Variants in MAGI1 observed in about 807,000 individuals in gnomAD.
The protein encoded by MAGI1 is membrane-associated guanylate kinase, WW and PDZ domain-containing protein 1.
In MAGI1, 58 loss-of-function variants were observed where a neutral mutation model predicts 139.9. The observed-to-expected ratio is 0.41, with a 90% CI of 0.34 to 0.52. The LOEUF is 0.52. Among genes scored for constraint, MAGI1 ranks in the 20% least tolerant of loss-of-function variants. The pLI is 0.12. For synonymous variants in MAGI1, 812 were observed against 737.9 expected, an observed-to-expected ratio of 1.10 and a Z score of -1.63; for missense variants, 1,874 against 1,901.6, an observed-to-expected ratio of 0.99 and a Z score of 0.27.
Position 66,006,994 on chromosome 3 carries a change from C to CTATTTATT in MAGI1, c.313+30994_313+31001dup, listed in dbSNP as rs61207352. Among the ~76,000 whole-genome samples, 25 of 151,248 alleles carry CTATTTATT rather than the reference C, an allele frequency of 1.7e-4. No individual in the cohort carries two copies. The East Asian group carries it at 3.7e-3, about 22-fold the overall frequency. ...TACAGGTGCATGTCACCATGCCCAG[C>CTATTTATT]TATTTATTTATTTATTTATTTATTT... On this transcript the variant is annotated intron_variant, in intron 1 of 22. Transcript: ENST00000402939.
intron 1 of MAGI1, among the ~76,000 whole-genome samples, chr3:65,672,183 C>A (rs1386861407): frequency 6.6e-6 from 1 of 152,156 alleles, no homozygotes; most frequent in Admixed American, 6.5e-5. Flanking sequence ...TTTTCAGATT[C>A]ATGAAATGCT....
At chr3:65,415,064 A>G (rs1946103299) in intron 12 of MAGI1, among the ~76,000 whole-genome samples, 1 of 151,768 alleles carries the variant, frequency 6.6e-6, no homozygotes, top group Non-Finnish European at 1.5e-5. Context: ...TTACCTATAA[A>G]GAAGAATCTT....
chr3:65,636,703 T>TACACACACAC (rs10662746), intron 1 of MAGI1, among the ~76,000 whole-genome samples: 345 of 148,564 alleles, frequency 2.3e-3, no homozygotes, highest in Non-Finnish European at 3.2e-3. Context: ...GGAAAACACA[T>TACACACACAC]ACACACACAC....
At position 65,530,774 on chromosome 3, in the gene MAGI1, C is replaced by CACGTATATATAT. The variant is rs1559642935; in HGVS notation, c.431-37144_431-37143insATATATATACGT. Reference sequence around the variant, plus strand: ...ATATACACGTATATATATATATATACACACATATATATACACGTATATATA... The same window carrying CACGTATATATAT: ...ATATACACGTATATATATATATATACACGTATATATATACACATATATATACACGTATATATA... On this transcript the variant is annotated intron_variant, in intron 2 of 22. Transcript: ENST00000402939. Among the ~76,000 whole-genome samples, 5 of 12,548 alleles carry CACGTATATATAT rather than the reference C, an allele frequency of 4.0e-4. 1 individual carries two copies. Among genetic ancestry groups the CACGTATATATAT allele is most frequent in the Non-Finnish European group, 5.9e-4 (4 of 6,772 alleles). The allele number at this position is 12,548 out of a possible 152,430, so 8.2% of individuals were successfully genotyped here. A position where few individuals can be genotyped will look rare whatever the true frequency, so the allele number is the denominator to read the frequency against.
intron 1 of MAGI1, among the ~76,000 whole-genome samples, chr3:65,754,427 C>G (rs1199750842): frequency 6.6e-6 from 1 of 152,192 alleles, no homozygotes; most frequent in Admixed American, 6.5e-5. Context: ...TTTATGCTCA[C>G]TCACTTGTTT....
At chr3:66,027,379 C>G (rs1385791213) in intron 1 of MAGI1, among the ~76,000 whole-genome samples, 1 of 152,168 alleles carries the variant, frequency 6.6e-6, no homozygotes, top group African/African-American at 2.4e-5. Flanking sequence ...TCATAGCTCA[C>G]TGCAGCCTCG....
intron 1 of MAGI1, among the ~76,000 whole-genome samples, chr3:65,731,016 T>A (rs1196246883): frequency 6.6e-6 from 1 of 152,014 alleles, no homozygotes; most frequent in Non-Finnish European, 1.5e-5. Context: ...AGGCATCTTC[T>A]AGCCCCCAAA....
intron 1 of MAGI1, among the ~76,000 whole-genome samples, chr3:66,032,426 T>C (rs547644429): frequency 1.4e-5 from 2 of 147,134 alleles, no homozygotes; most frequent in East Asian, 2.1e-4. Flanking sequence ...TTCACCATCT[T>C]GGCCAGGCTG....
chr3:65,685,571 A>G (rs1451947536), intron 1 of MAGI1, among the ~76,000 whole-genome samples: 2 of 152,322 alleles, frequency 1.3e-5, no homozygotes, highest in East Asian at 1.9e-4. Flanking sequence ...GGACTAAAAT[A>G]TTTTCAGTTA....
intron 1 of MAGI1, among the ~76,000 whole-genome samples, chr3:65,832,415 G>A (rs539571065): frequency 1.3e-5 from 2 of 152,232 alleles, no homozygotes; most frequent in East Asian, 3.9e-4. Context: ...TCCTAGGGAT[G>A]GAGAATCACA....
At chr3:65,580,571 G>A (rs549039687) in intron 2 of MAGI1, among the ~76,000 whole-genome samples, 1 of 151,988 alleles carries the variant, frequency 6.6e-6, no homozygotes, top group Admixed American at 6.5e-5. Flanking sequence ...AACAAGTCAC[G>A]CAAACACCAG....
rs1403013503 is a variant in MAGI1 at position 65,359,930 on chromosome 3, GT to G, written c.3634+1268del. On this transcript the variant is annotated intron_variant, in intron 22 of 22. Transcript: ENST00000402939. ...AGGGAGACAATGTTACACAGTTTCA[GT>G]GGTATCAATACACCTAATGGTCAGA... 1.3e-5 allele frequency: 13 copies of G among 985,394 alleles called. No individual in the cohort carries two copies. The South Asian group carries it at 5.2e-4, about 39-fold the overall frequency. The allele number at this position is 985,394 out of a possible 1,614,324, so 61.0% of individuals were successfully genotyped here. A position where few individuals can be genotyped will look rare whatever the true frequency, so the allele number is the denominator to read the frequency against.
Position 65,401,879 on chromosome 3 carries a change from A to G in MAGI1, c.2168-409T>C, listed in dbSNP as rs543013648. On this transcript the variant is annotated intron_variant, in intron 12 of 22. Transcript: ENST00000402939. The stretch of plus-strand genomic sequence containing the variant: ...TGTCAATTGAAACGGACCAATCAGG[A>G]CAGAGGAAAGGGTATATATTTAGTT... 1,204 of 985,324 alleles carry G rather than the reference A, an allele frequency of 1.2e-3. 1 individual carries two copies. Among genetic ancestry groups the G allele is most frequent in the Non-Finnish European group, 1.4e-3 (1,155 of 829,840 alleles). The allele number at this position is 985,324 out of a possible 1,614,324, so 61.0% of individuals were successfully genotyped here. A position where few individuals can be genotyped will look rare whatever the true frequency, so the allele number is the denominator to read the frequency against.
At chr3:65,517,402 G>A (rs1032409427) in intron 2 of MAGI1, among the ~76,000 whole-genome samples, 1 of 152,052 alleles carries the variant, frequency 6.6e-6, no homozygotes, top group Non-Finnish European at 1.5e-5. Flanking sequence ...TTTCTCCACA[G>A]CACATATCAA....
intron 1 of MAGI1, among the ~76,000 whole-genome samples, chr3:65,778,657 C>T (rs1028207535): frequency 6.6e-6 from 1 of 152,148 alleles, no homozygotes; most frequent in Non-Finnish European, 1.5e-5. Context: ...GGTCAAAGAG[C>T]CACAGTTCAA....
intron 21 of MAGI1, among the ~76,000 whole-genome samples, chr3:65,362,356 GTAAT>G (rs1465335004): frequency 4.0e-5 from 6 of 151,762 alleles, no homozygotes; most frequent in Non-Finnish European, 7.4e-5. Flanking sequence ...GTAATTTAAA[GTAAT>G]TAACTTTTTA....
intron 21 of MAGI1, among the ~76,000 whole-genome samples, chr3:65,361,908 A>G (rs1940898135): frequency 6.6e-6 from 1 of 152,220 alleles, no homozygotes; most frequent in Admixed American, 6.5e-5. Flanking sequence ...TTAAAAAGCA[A>G]ACCCTTCCCC....
intron 1 of MAGI1, among the ~76,000 whole-genome samples, chr3:65,867,744 C>T (rs987661879): frequency 6.6e-6 from 1 of 151,990 alleles, no homozygotes; most frequent in Non-Finnish European, 1.5e-5. Context: ...CAGAGCGAGA[C>T]CCTGAATCAA....
chr3:65,640,621 T>G (rs1056932626), intron 1 of MAGI1, among the ~76,000 whole-genome samples: 1 of 152,210 alleles, frequency 6.6e-6, no homozygotes, highest in African/African-American at 2.4e-5. Context: ...CTCACCTTTT[T>G]GGAAGGAAGC....
Sources: allele counts gnomAD v4.1 joint callset (sites outside exome capture counted in the v4.1 genomes callset), GRCh38; gene constraint gnomAD v4.1.1; transcripts MANE v1.5; gene names NCBI Gene and HGNC (gene_info 2026-07-23, HGNC 2026-07-21).